The following RBMS1 variants were observed in gnomAD, a reference collection of about 807,000 sequenced individuals.
The protein encoded by RBMS1 is RNA binding motif single stranded interacting protein 1.
In RBMS1, 17 loss-of-function variants were observed where a neutral mutation model predicts 62.3. The ratio of observed to expected loss-of-function variants is 0.27; its 90% CI spans 0.19 to 0.41. The LOEUF (loss-of-function observed/expected upper bound fraction) is 0.41. RBMS1 is among the 10% of genes least tolerant of loss of function. The pLI, the probability that RBMS1 is intolerant of heterozygous loss-of-function variation, is 1.00. For synonymous variants in RBMS1, 172 were observed against 170.0 expected (o/e 1.01, Z -0.09); for missense variants, 334 against 504.5 (o/e 0.66, Z 3.24).
rs1338551702 is a variant in RBMS1 at position 160,493,524 on chromosome 2, CTCCTCCTCCTCCTCCTCT to C, written c.-179_-162del. ...CACCTCCCAGCCGGGACCAGACGTC[CTCCTCCTCCTCCTCCTCT>C]TCCTCCTCCTCCTCCTCCTCCTCCT... On this transcript the variant is annotated 5_prime_UTR_variant, in exon 1 of 14. Transcript: ENST00000348849. The C allele has an allele frequency of 5.8e-6, 3 of 515,222 alleles. No homozygotes were observed. The highest frequency in any genetic ancestry group is 3.5e-5 in the East Asian group (1 of 28,388). The allele number at this position is 515,222 out of a possible 1,614,324, so 31.9% of individuals were successfully genotyped here.
chr2:160,401,253 C>G (rs896312536), intron 1 of RBMS1, among the ~76,000 whole-genome samples: 3 of 152,118 alleles, frequency 2.0e-5, no homozygotes, highest in Admixed American at 6.5e-5. Flanking sequence ...TTATGAAATT[C>G]CATATGTTTA....
intron 1 of RBMS1, among the ~76,000 whole-genome samples, chr2:160,379,075 TGGG>T (rs1368207077): frequency 6.6e-6 from 1 of 152,102 alleles, no homozygotes; most frequent in Non-Finnish European, 1.5e-5. Context: ...AAAAATCAGC[TGGG>T]CATGGTGGTG....
chr2:160,341,812 C>A (rs115804277), intron 2 of RBMS1, among the ~76,000 whole-genome samples: 2,157 of 152,244 alleles, frequency 0.014, 62 homozygotes, highest in African/African-American at 0.048. Flanking sequence ...TTGAATCTCA[C>A]AATAAATATT....
chr2:160,388,914 G>A lies in RBMS1; in HGVS notation c.76-21523C>T, dbSNP rs144999489. The stretch of plus-strand genomic sequence containing the variant: ...GCCTTCCACAGCATACACCCACACA[G>A]TGACAGGCCAGATCTTTCTGTTCCT... On this transcript the variant is annotated intron_variant, in intron 1 of 13. Coordinates refer to ENST00000348849, the MANE Select transcript of RBMS1 (RefSeq NM_016836.4). 1.4e-4 allele frequency among the ~76,000 whole-genome samples: 22 copies of A among 152,382 alleles called. No homozygotes were observed. The East Asian group carries it at 4.1e-3, about 28-fold the overall frequency.
chr2:160,288,429 CAAAACAAAAG>C (rs908128545), intron 6 of RBMS1, among the ~76,000 whole-genome samples: 10 of 152,128 alleles, frequency 6.6e-5, no homozygotes, highest in African/African-American at 2.4e-4. Context: ...TGCCAAAAAA[CAAAACAAAAG>C]AAAACAAAAA....
chr2:160,292,483 CCTG>C (rs1688734443), intron 6 of RBMS1, among the ~76,000 whole-genome samples: 1 of 152,124 alleles, frequency 6.6e-6, no homozygotes, highest in African/African-American at 2.4e-5. Flanking sequence ...TGGGGACTGG[CCTG>C]TTATCCATGG....
intron 1 of RBMS1, among the ~76,000 whole-genome samples, chr2:160,387,273 A>C (rs934160988): frequency 2.0e-5 from 3 of 152,086 alleles, no homozygotes; most frequent in African/African-American, 7.2e-5. Flanking sequence ...GAGGCAAGTG[A>C]GATTACATTA....
intron 2 of RBMS1, among the ~76,000 whole-genome samples, chr2:160,364,862 A>AC (rs1279834653): frequency 6.6e-6 from 1 of 151,506 alleles, no homozygotes; most frequent in Non-Finnish European, 1.5e-5. Flanking sequence ...TTCCTTCGTT[A>AC]CCCCCCTAAT....
intron 1 of RBMS1, among the ~76,000 whole-genome samples, chr2:160,381,361 T>G (rs1200470391): frequency 6.6e-6 from 1 of 152,152 alleles, no homozygotes; most frequent in Admixed American, 6.5e-5. Context: ...AATAGTTTAA[T>G]AAGCAAAAAC....
In RBMS1 at chr2:160,313,176, C is replaced by T. The variant is rs772754350; in HGVS notation, c.382G>A (p.Val128Ile). 2.5e-6 allele frequency: 4 copies of T among 1,613,464 alleles called. No homozygotes were observed. The East Asian group carries it at 8.9e-5, about 36-fold the overall frequency. The change falls in exon 4 of 14, where the codon GTT (valine) becomes ATT (isoleucine). Residue 128 changes from valine (V) to isoleucine (I), a missense_variant. By Grantham distance (29) the Val-to-Ile change is conservative. Coordinates refer to ENST00000348849, the MANE Select transcript of RBMS1 (RefSeq NM_016836.4). ...KAVSALKASG[V>I]QAQMAKQQEQ... ...CTCACCTTTGCCATTTGAGCTTGAA[C>T]CCCACTGGCCTTCAGGGCAGACACA...
intron 6 of RBMS1, among the ~76,000 whole-genome samples, chr2:160,299,989 T>C (rs1211321230): frequency 6.6e-6 from 1 of 152,146 alleles, no homozygotes; most frequent in East Asian, 1.9e-4. Flanking sequence ...CAGCATTCTG[T>C]CATGACAGTG....
chr2:160,397,781 T>C (rs1224970335), intron 1 of RBMS1, among the ~76,000 whole-genome samples: 1 of 152,224 alleles, frequency 6.6e-6, no homozygotes, highest in Non-Finnish European at 1.5e-5. Flanking sequence ...TACTAGGCTT[T>C]TGTCTTTCTT....
chr2:160,459,484 A>G lies in RBMS1; in HGVS notation c.75+33805T>C, dbSNP rs116117501. On this transcript the variant is annotated intron_variant, in intron 1 of 13. Coordinates refer to ENST00000348849, the MANE Select transcript of RBMS1 (RefSeq NM_016836.4). Reference sequence around the variant, plus strand: ...TAACAGCATATTTCAAATAACTGAAAGTGATACACATGTTAATCTTTTAAA... The same window carrying G: ...TAACAGCATATTTCAAATAACTGAAGGTGATACACATGTTAATCTTTTAAA... Among the ~76,000 whole-genome samples the G allele has an allele frequency of 8.3e-3, 1,263 of 151,986 alleles. 22 individuals are homozygous for G. Among genetic ancestry groups the G allele is most frequent in the African/African-American group, 0.027 (1,122 of 41,550 alleles).
intron 1 of RBMS1, chr2:160,407,976 C>CCCCG (rs1695852099): frequency 2.1e-6 from 2 of 943,378 alleles, no homozygotes; most frequent in Non-Finnish European, 2.5e-6. Flanking sequence ...ACCCGCGCCT[C>CCCCG]CCCGCCCGCC....
chr2:160,363,245 A>C (rs947082975), intron 2 of RBMS1, among the ~76,000 whole-genome samples: 1 of 152,182 alleles, frequency 6.6e-6, no homozygotes, highest in Admixed American at 6.5e-5. Flanking sequence ...CTGGGTGACA[A>C]ATCTGTTTAA....
intron 2 of RBMS1, among the ~76,000 whole-genome samples, chr2:160,363,917 C>A (rs527601835): frequency 6.6e-6 from 1 of 151,910 alleles, no homozygotes; most frequent in African/African-American, 2.4e-5. Flanking sequence ...AAAAAAAAAG[C>A]TAGGGAAAAT....
chr2:160,287,306 T>C (rs962680779), intron 6 of RBMS1, among the ~76,000 whole-genome samples: 1 of 152,222 alleles, frequency 6.6e-6, no homozygotes, highest in African/African-American at 2.4e-5. Flanking sequence ...ATAACTATTC[T>C]GAGGAAGCAA....
At chr2:160,420,603 TG>T (rs904024083) in intron 1 of RBMS1, among the ~76,000 whole-genome samples, 90 of 147,526 alleles carry the variant, frequency 6.1e-4, no homozygotes, top group African/African-American at 2.1e-3. Flanking sequence ...CCCATTGACC[TG>T]GCTTCACTGT....
At chr2:160,421,075 G>A (rs897513677) in intron 1 of RBMS1, among the ~76,000 whole-genome samples, 1 of 151,978 alleles carries the variant, frequency 6.6e-6, no homozygotes, top group African/African-American at 2.4e-5. Flanking sequence ...AAGAGGCACC[G>A]TCTCTTCCTT....
Sources: allele counts gnomAD v4.1 joint callset (sites outside exome capture counted in the v4.1 genomes callset), GRCh38; gene constraint gnomAD v4.1.1; transcripts MANE v1.5; gene names NCBI Gene and HGNC (gene_info 2026-07-23, HGNC 2026-07-21).